Variants in ZFPM2 observed in about 807,000 individuals in gnomAD.
The protein encoded by ZFPM2 is zinc finger protein ZFPM2.
In ZFPM2, 20 loss-of-function variants were observed where a neutral mutation model predicts 98.6. That is an observed-to-expected ratio of 0.20 (90% CI 0.14 to 0.29). The LOEUF (loss-of-function observed/expected upper bound fraction) is 0.29, where lower values mean the gene tolerates loss of function less well. Among genes scored for constraint, ZFPM2 ranks in the 10% least tolerant of loss-of-function variants. The pLI is 1.00. For synonymous variants in ZFPM2, 518 were observed against 502.7 expected (o/e 1.03, Z -0.41); for missense variants, 1,310 against 1,388.6 (o/e 0.94, Z 0.90).
intron 6 of ZFPM2, among the ~76,000 whole-genome samples, chr8:105,795,282 G>GTGGTCAATT (rs1360267768): frequency 6.7e-6 from 1 of 149,894 alleles, no homozygotes; most frequent in African/African-American, 2.5e-5. Context: ...GTGTGTGTGT[G>GTGGTCAATT]TGGTCAATTG....
chr8:105,639,339 G>A (rs1038739453), intron 5 of ZFPM2, among the ~76,000 whole-genome samples: 1 of 151,872 alleles, frequency 6.6e-6, no homozygotes. Context: ...GCTTCAAATC[G>A]GGAATAATTA....
At chr8:105,355,776 T>C (rs1812730180) in intron 1 of ZFPM2, among the ~76,000 whole-genome samples, 1 of 152,208 alleles carries the variant, frequency 6.6e-6, no homozygotes, top group African/African-American at 2.4e-5. Flanking sequence ...AGGTGATTCC[T>C]AAATAAAAAA....
At chr8:105,337,169 A>G (rs545103539) in intron 1 of ZFPM2, among the ~76,000 whole-genome samples, 1 of 151,864 alleles carries the variant, frequency 6.6e-6, no homozygotes, top group South Asian at 2.1e-4. Flanking sequence ...TCAACACGTT[A>G]TGGTATGGCC....
At chr8:105,705,954 T>C (rs560158574) in intron 5 of ZFPM2, among the ~76,000 whole-genome samples, 12 of 152,334 alleles carry the variant, frequency 7.9e-5, no homozygotes, top group African/African-American at 2.4e-4. Flanking sequence ...AAATCTAGTA[T>C]TGAATTACTT....
At chr8:105,451,079 T>C (rs1812475914) in intron 3 of ZFPM2, among the ~76,000 whole-genome samples, 2 of 152,192 alleles carry the variant, frequency 1.3e-5, no homozygotes, top group Admixed American at 1.3e-4. Flanking sequence ...ATTACTATTA[T>C]GATGATTATA....
intron 5 of ZFPM2, among the ~76,000 whole-genome samples, chr8:105,683,153 A>T (rs1336202008): frequency 6.6e-6 from 1 of 151,890 alleles, no homozygotes; most frequent in Admixed American, 6.6e-5. Context: ...CCTACCTCCT[A>T]ATACTATTAC....
At chr8:105,694,549 C>G (rs953006696) in intron 5 of ZFPM2, among the ~76,000 whole-genome samples, 2 of 152,060 alleles carry the variant, frequency 1.3e-5, no homozygotes, top group Non-Finnish European at 2.9e-5. Flanking sequence ...TGAATATTGT[C>G]TAAAAACTAA....
At chr8:105,570,341 G>C (rs1190971750) in intron 4 of ZFPM2, among the ~76,000 whole-genome samples, 1 of 151,796 alleles carries the variant, frequency 6.6e-6, no homozygotes, top group Non-Finnish European at 1.5e-5. Context: ...GATGGAGGGG[G>C]ATTACTCAGG....
At chr8:105,520,505 A>C (rs1466728366) in intron 3 of ZFPM2, among the ~76,000 whole-genome samples, 1 of 152,114 alleles carries the variant, frequency 6.6e-6, no homozygotes, top group African/African-American at 2.4e-5. Flanking sequence ...AATTTAATTC[A>C]GCCTAATTAA....
intron 5 of ZFPM2, among the ~76,000 whole-genome samples, chr8:105,681,726 A>G (rs1348961655): frequency 6.6e-6 from 1 of 152,104 alleles, no homozygotes. Flanking sequence ...CCCCCTGTAA[A>G]TAAGTAGTGT....
intron 5 of ZFPM2, among the ~76,000 whole-genome samples, chr8:105,785,698 G>A (rs1249983800): frequency 1.3e-5 from 2 of 149,262 alleles, no homozygotes; most frequent in African/African-American, 2.6e-5. Flanking sequence ...GAGCCCGGGA[G>A]TTCTAGACCA....
At chr8:105,576,289 ATTC>A (rs1815466085) in intron 4 of ZFPM2, among the ~76,000 whole-genome samples, 1 of 152,048 alleles carries the variant, frequency 6.6e-6, no homozygotes, top group Non-Finnish European at 1.5e-5. Flanking sequence ...TTTTTTAACT[ATTC>A]CTCCTACTAT....
intron 1 of ZFPM2, among the ~76,000 whole-genome samples, chr8:105,364,241 A>G (rs1563622699): frequency 6.6e-6 from 1 of 152,102 alleles, no homozygotes; most frequent in Non-Finnish European, 1.5e-5. Flanking sequence ...ATGCTATAAC[A>G]TACTGTCTGG....
intron 3 of ZFPM2, among the ~76,000 whole-genome samples, chr8:105,505,376 T>C (rs1485066916): frequency 6.6e-6 from 1 of 152,182 alleles, no homozygotes; most frequent in Non-Finnish European, 1.5e-5. Context: ...CACATTGATT[T>C]AGGTCTAGAG....
chr8:105,730,149 G>A (rs2131012449), intron 5 of ZFPM2, among the ~76,000 whole-genome samples: 1 of 151,716 alleles, frequency 6.6e-6, no homozygotes, highest in African/African-American at 2.4e-5. Context: ...GGTTTCTGTT[G>A]GTGGCAGTGG....
chr8:105,734,048 T>C (rs1490452202), intron 5 of ZFPM2, among the ~76,000 whole-genome samples: 3 of 151,906 alleles, frequency 2.0e-5, no homozygotes, highest in Non-Finnish European at 4.4e-5. Context: ...TCTATCATGG[T>C]ATACTGCCCT....
At chr8:105,498,027 CAAAAAAAAAAAA>C in intron 3 of ZFPM2, among the ~76,000 whole-genome samples, 1 of 61,914 alleles carries the variant, frequency 1.6e-5, no homozygotes, top group Middle Eastern at 8.5e-3. Context: ...CCGTCTCTAC[CAAAAAAAAAAAA>C]AAAAAAACAA....
In ZFPM2 at chr8:105,566,072, C is replaced by T. The variant is rs549289509; in HGVS notation, c.420+4591C>T. On this transcript the variant is annotated intron_variant, in intron 4 of 7. Coordinates refer to ENST00000407775, the MANE Select transcript of ZFPM2 (RefSeq NM_012082.4). ...GGGAGGCCAGTCTTTTTGGTCTATT[C>T]GGGCTTTCAGTTGATTGGGTGAGGC... Among the ~76,000 whole-genome samples, 5 of 152,204 alleles carry T rather than the reference C, an allele frequency of 3.3e-5. No individual in the cohort carries two copies. In the East Asian group the frequency reaches 5.8e-4, roughly 18 times the overall value.
At chr8:105,561,287 G>A in intron 3 of ZFPM2, 76 bp from the exon 4 acceptor site, 1 of 1,112,884 alleles carries the variant, frequency 9.0e-7, no homozygotes, top group South Asian at 1.3e-5. Context: ...TGTGTGTAAA[G>A]CAAACACACA....
Sources: gnomAD v4.1 joint callset for allele counts (sites outside exome capture counted in the v4.1 genomes callset) on GRCh38, gnomAD v4.1.1 for gene constraint, MANE v1.5 for transcripts, NCBI Gene and HGNC (gene_info 2026-07-23, HGNC 2026-07-21) for gene names.